UGGT2: variants seen among roughly 807,000 people sequenced by gnomAD.
The protein encoded by UGGT2 is UDP-glucose glycoprotein glucosyltransferase 2, also known as UDP-glucose:glycoprotein glucosyltransferase 2.
In UGGT2, 180 loss-of-function variants were observed where a neutral mutation model predicts 192.1. The ratio of observed to expected loss-of-function variants is 0.94; its 90% CI spans 0.83 to 1.06. UGGT2 has a LOEUF of 1.06. Ranked by LOEUF, UGGT2 falls within the 50% of genes least tolerant of loss-of-function variation. UGGT2 has a pLI of 0.00. For synonymous variants in UGGT2, 580 were observed against 591.0 expected (o/e 0.98, Z 0.27); for missense variants, 1,849 against 1,795.7 (o/e 1.03, Z -0.54).
intron 10 of UGGT2, among the ~76,000 whole-genome samples, chr13:95,978,474 A>AT (rs1311391047): frequency 6.6e-6 from 1 of 152,126 alleles, no homozygotes; most frequent in African/African-American, 2.4e-5. Context: ...CATTCTGTAG[A>AT]TTTTCTCTTC....
At chr13:95,823,653 T>C (rs1885726447) in intron 38 of UGGT2, among the ~76,000 whole-genome samples, 1 of 152,080 alleles carries the variant, frequency 6.6e-6, no homozygotes, top group African/African-American at 2.4e-5. Context: ...TGAATTCTTA[T>C]ATGTTAGTTA....
chr13:96,034,385 T>C (rs1335051987), intron 1 of UGGT2, among the ~76,000 whole-genome samples: 2 of 152,228 alleles, frequency 1.3e-5, no homozygotes, highest in African/African-American at 2.4e-5. Context: ...AGAGCTGTAC[T>C]GTCTCTCAAT....
chr13:95,941,834 A>G (rs1350624943), intron 15 of UGGT2, among the ~76,000 whole-genome samples: 1 of 152,166 alleles, frequency 6.6e-6, no homozygotes, highest in African/African-American at 2.4e-5. Flanking sequence ...GAACATCACC[A>G]ATGCCATGAA....
chr13:95,881,102 A>G (rs1331851664), intron 27 of UGGT2, among the ~76,000 whole-genome samples: 1 of 152,188 alleles, frequency 6.6e-6, no homozygotes, highest in Non-Finnish European at 1.5e-5. Flanking sequence ...TGAACCCGGG[A>G]GGCTGAGCTT....
chr13:95,923,825 C>A (rs1260921897), intron 20 of UGGT2, among the ~76,000 whole-genome samples: 1 of 151,966 alleles, frequency 6.6e-6, no homozygotes, highest in Non-Finnish European at 1.5e-5. Flanking sequence ...ATATAAAAAA[C>A]CCAGAAAGGA....
intron 29 of UGGT2, among the ~76,000 whole-genome samples, chr13:95,870,659 C>T (rs937186914): frequency 6.6e-6 from 1 of 152,218 alleles, no homozygotes; most frequent in African/African-American, 2.4e-5. Flanking sequence ...GGAGAGCTTG[C>T]TCCGCCAGTC....
At chr13:96,029,078 G>T (rs927403394) in intron 2 of UGGT2, among the ~76,000 whole-genome samples, 2 of 152,040 alleles carry the variant, frequency 1.3e-5, no homozygotes, top group Non-Finnish European at 2.9e-5. Context: ...GTGAACCCAG[G>T]AGGCGGAGCT....
chr13:96,051,269 G>A (rs948618463), intron 1 of UGGT2, among the ~76,000 whole-genome samples: 2 of 152,140 alleles, frequency 1.3e-5, no homozygotes, highest in Non-Finnish European at 2.9e-5. Context: ...ACTCATAGGT[G>A]GGAACTGAAC....
intron 20 of UGGT2, among the ~76,000 whole-genome samples, chr13:95,906,718 C>T (rs1238210954): frequency 6.6e-6 from 1 of 152,126 alleles, no homozygotes; most frequent in South Asian, 2.1e-4. Context: ...AAGAGAAATG[C>T]TTTTTTCACT....
chr13:95,982,804 G>A (rs777580255), intron 10 of UGGT2, among the ~76,000 whole-genome samples: 2 of 152,136 alleles, frequency 1.3e-5, no homozygotes, highest in East Asian at 1.9e-4. Flanking sequence ...CCACAAATCC[G>A]TTTTGAAGGA....
intron 12 of UGGT2, among the ~76,000 whole-genome samples, chr13:95,950,440 A>T (rs756420723): frequency 6.6e-6 from 1 of 152,046 alleles, no homozygotes; most frequent in Non-Finnish European, 1.5e-5. Flanking sequence ...AAGCCTAAAA[A>T]CAAGCTTCAA....
intron 20 of UGGT2, among the ~76,000 whole-genome samples, chr13:95,914,686 A>G (rs951364284): frequency 6.7e-6 from 1 of 150,322 alleles, no homozygotes; most frequent in Admixed American, 6.6e-5. Flanking sequence ...TGTAATCCCA[A>G]CCACATGCGA....
rs143475528 is a variant in UGGT2 at position 95,801,728 on chromosome 13, C to A, written c.*62G>T. ...AAATCGTCTCAGCAGGGGCTCCAGA[C>A]TTCCCCAGCAGGCGGCAGGTTTCCT... On this transcript the variant is annotated 3_prime_UTR_variant, in exon 39 of 39. Coordinates refer to ENST00000376747, the MANE Select transcript of UGGT2 (RefSeq NM_020121.4). 380 of 1,585,882 alleles carry A rather than the reference C, an allele frequency of 2.4e-4. No homozygotes were observed. In the African/African-American group the frequency reaches 4.4e-3, roughly 19 times the overall value.
intron 20 of UGGT2, among the ~76,000 whole-genome samples, chr13:95,910,446 C>T (rs2048454405): frequency 6.6e-6 from 1 of 152,070 alleles, no homozygotes; most frequent in African/African-American, 2.4e-5. Flanking sequence ...ATCCTAGTCT[C>T]TGATAAAACA....
At chr13:96,032,725 C>T (rs1465047171) in intron 1 of UGGT2, among the ~76,000 whole-genome samples, 1 of 152,204 alleles carries the variant, frequency 6.6e-6, no homozygotes, top group Non-Finnish European at 1.5e-5. Flanking sequence ...CCTTACCTTT[C>T]TCTCTAGGCT....
intron 30 of UGGT2, among the ~76,000 whole-genome samples, chr13:95,865,492 A>T (rs544906983): frequency 6.6e-6 from 1 of 152,264 alleles, no homozygotes; most frequent in East Asian, 1.9e-4. Flanking sequence ...TAAAAATACA[A>T]AAAATACACA....
In UGGT2 at chr13:95,942,221, G is replaced by GGGGTGT. The variant is rs1285651365; in HGVS notation, c.1678-2131_1678-2130insACACCC. On this transcript the variant is annotated intron_variant, in intron 15 of 38. Coordinates refer to ENST00000376747, the MANE Select transcript of UGGT2 (RefSeq NM_020121.4). ...GTACAAGAGCTTCTCTTAGGGTGAGGGTGTGTGTGTGTGTGTGTGTGTGTG... is the reference window on the plus strand; with the variant it reads ...GTACAAGAGCTTCTCTTAGGGTGAGGGGGTGTGTGTGTGTGTGTGTGTGTGTGTGTG... Among the ~76,000 whole-genome samples, 283 of 118,076 alleles carry GGGGTGT rather than the reference G, an allele frequency of 2.4e-3. 1 individual carries two copies. The highest frequency in any genetic ancestry group is 4.2e-3 in the South Asian group (16 of 3,788). The allele number at this position is 118,076 out of a possible 152,430, so 77.5% of individuals were successfully genotyped here. A position where few individuals can be genotyped will look rare whatever the true frequency, so the allele number is the denominator to read the frequency against.
chr13:95,944,237 C>CA, intron 15 of UGGT2, among the ~76,000 whole-genome samples: 1 of 152,114 alleles, frequency 6.6e-6, no homozygotes, highest in Middle Eastern at 3.4e-3. Context: ...GCTTTGACAT[C>CA]AGATTATATT....
intron 38 of UGGT2, among the ~76,000 whole-genome samples, chr13:95,814,696 T>G (rs1465931322): frequency 5.9e-5 from 9 of 152,142 alleles, no homozygotes; most frequent in Non-Finnish European, 1.2e-4. Context: ...AAGTCCAAAG[T>G]CTCATCTGAG....
Sources: gnomAD v4.1 joint callset for allele counts (sites outside exome capture counted in the v4.1 genomes callset) on GRCh38, gnomAD v4.1.1 for gene constraint, MANE v1.5 for transcripts, NCBI Gene and HGNC (gene_info 2026-07-23, HGNC 2026-07-21) for gene names.